RAD51B: variants seen among roughly 807,000 people sequenced by gnomAD.
RAD51B encodes DNA repair protein RAD51 homolog 2.
RAD51B carries 38 observed loss-of-function variants against 42.2 expected under a neutral mutation model. The ratio of observed to expected loss-of-function variants is 0.90; its 90% CI spans 0.70 to 1.18. The LOEUF is 1.18. RAD51B is among the 50% of genes most tolerant of loss of function. The pLI, the probability that RAD51B is intolerant of heterozygous loss-of-function variation, is 0.00. For synonymous variants in RAD51B, 154 were observed against 145.2 expected, an observed-to-expected ratio of 1.06 and a Z score of -0.43; for missense variants, 373 against 400.7, an observed-to-expected ratio of 0.93 and a Z score of 0.59.
intron 7 of RAD51B, among the ~76,000 whole-genome samples, chr14:67,929,405 T>C (rs991972329): frequency 6.6e-6 from 1 of 152,184 alleles, no homozygotes; most frequent in African/African-American, 2.4e-5. Flanking sequence ...GTTTTCAGAG[T>C]TCCTCTTGGC....
intron 8 of RAD51B, among the ~76,000 whole-genome samples, chr14:68,392,825 C>T (rs1290663769): frequency 1.3e-5 from 2 of 152,218 alleles, no homozygotes; most frequent in African/African-American, 4.8e-5. Context: ...CTTTCCCCTC[C>T]AGCCTGGTGC....
intron 7 of RAD51B, among the ~76,000 whole-genome samples, chr14:68,261,524 C>T (rs961629551): frequency 1.3e-5 from 2 of 152,168 alleles, no homozygotes; most frequent in African/African-American, 2.4e-5. Context: ...AAAAATACTG[C>T]AGAATTGTAT....
intron 7 of RAD51B, among the ~76,000 whole-genome samples, chr14:68,237,089 C>G (rs2080274448): frequency 6.6e-6 from 1 of 152,228 alleles, no homozygotes; most frequent in South Asian, 2.1e-4. Flanking sequence ...TCTCAAAAAT[C>G]TCTGTCCTGG....
chr14:68,359,180 A>T (rs1594722369), intron 8 of RAD51B, among the ~76,000 whole-genome samples: 1 of 152,232 alleles, frequency 6.6e-6, no homozygotes, highest in African/African-American at 2.4e-5. Context: ...GAAAAACAGA[A>T]CCCACCAAGA....
At chr14:67,877,110 A>T (rs2042752481) in intron 5 of RAD51B, among the ~76,000 whole-genome samples, 1 of 152,002 alleles carries the variant, frequency 6.6e-6, no homozygotes. Context: ...TTTTTTTTAC[A>T]GTAATAAATA....
intron 4 of RAD51B, among the ~76,000 whole-genome samples, chr14:67,842,645 C>A (rs2041468028): frequency 6.6e-6 from 1 of 152,212 alleles, no homozygotes; most frequent in South Asian, 2.1e-4. Flanking sequence ...TCTGGGATTA[C>A]AGGCATGTGC....
chr14:68,291,085 G>A (rs942526304), intron 7 of RAD51B, among the ~76,000 whole-genome samples: 2 of 152,034 alleles, frequency 1.3e-5, no homozygotes, highest in African/African-American at 4.8e-5. Flanking sequence ...TGGGATTACA[G>A]GCATGAGCCA....
At chr14:68,338,865 G>C (rs1469800804) in intron 8 of RAD51B, 2 of 624,624 alleles carry the variant, frequency 3.2e-6, no homozygotes, top group African/African-American at 1.8e-5. Context: ...GGTCCTGATA[G>C]CTTCCACCAG....
chr14:68,525,184 G>T (rs76346996), intron 10 of RAD51B, among the ~76,000 whole-genome samples: 2,033 of 152,334 alleles, frequency 0.013, 29 homozygotes, highest in Non-Finnish European at 0.017. Flanking sequence ...CAGCTTTGGA[G>T]ATGGAAGGGG....
intron 7 of RAD51B, among the ~76,000 whole-genome samples, chr14:68,086,862 G>A (rs1301728693): frequency 2.6e-5 from 4 of 152,100 alleles, no homozygotes; most frequent in Admixed American, 6.5e-5. Context: ...GGGGCCAGGC[G>A]CGGTGGCTCA....
intron 7 of RAD51B, among the ~76,000 whole-genome samples, chr14:68,235,703 C>CA (rs57180468): frequency 0.27 from 3,845 of 14,028 alleles, 1,247 homozygotes; most frequent in Non-Finnish European, 0.46. Context: ...GACTCCGTCT[C>CA]AAAAAAAAAA....
intron 9 of RAD51B, among the ~76,000 whole-genome samples, 192 bp downstream of exon 9, chr14:68,411,719 C>T (rs181784284): frequency 6.6e-6 from 1 of 152,226 alleles, no homozygotes; most frequent in East Asian, 1.9e-4. Context: ...AAGTCACACA[C>T]AGGAAAAAAC....
intron 7 of RAD51B, among the ~76,000 whole-genome samples, chr14:67,897,363 T>A (rs1463600069): frequency 2.0e-5 from 3 of 151,836 alleles, no homozygotes; most frequent in Admixed American, 6.6e-5. Flanking sequence ...AGGGTTAATA[T>A]CCAAAATATA....
At chr14:67,856,249 G>A (rs779789063) in intron 4 of RAD51B, among the ~76,000 whole-genome samples, 6 of 152,110 alleles carry the variant, frequency 3.9e-5, no homozygotes, top group Non-Finnish European at 5.9e-5. Flanking sequence ...GGAGGGAGTG[G>A]TAGAGAGAAT....
intron 1 of RAD51B, among the ~76,000 whole-genome samples, chr14:67,821,992 CGT>C (rs138886330): frequency 2.0e-5 from 3 of 150,026 alleles, no homozygotes; most frequent in East Asian, 2.0e-4. Flanking sequence ...ATTGTGTGTG[CGT>C]GTGTGTGTGT....
At chr14:68,335,296 CAAA>C (rs768281887) in intron 8 of RAD51B, among the ~76,000 whole-genome samples, 2 of 43,156 alleles carry the variant, frequency 4.6e-5, no homozygotes, top group Admixed American at 2.9e-4. Flanking sequence ...GACCCTGTGT[CAAA>C]AAAAAAAAAA....
chr14:68,552,056 T>C (rs1429003847), intron 10 of RAD51B, among the ~76,000 whole-genome samples: 1 of 149,558 alleles, frequency 6.7e-6, no homozygotes, highest in East Asian at 1.9e-4. Flanking sequence ...TGTGCGTGTT[T>C]GTTTGTTTCT....
At chr14:68,443,069 T>C (rs1191536533) in intron 9 of RAD51B, among the ~76,000 whole-genome samples, 1 of 152,224 alleles carries the variant, frequency 6.6e-6, no homozygotes, top group African/African-American at 2.4e-5. Flanking sequence ...CTTGGCCTCT[T>C]GCTTAAGCAT....
At chr14:68,470,412 A>G (rs2140238337) in intron 10 of RAD51B, 1 of 445,404 alleles carries the variant, frequency 2.2e-6, no homozygotes, top group South Asian at 1.7e-5. Flanking sequence ...GAAAACAAAA[A>G]ATGCAGGTCC....
Sources: gnomAD v4.1 joint callset for allele counts (sites outside exome capture counted in the v4.1 genomes callset) on GRCh38, gnomAD v4.1.1 for gene constraint, MANE v1.5 for transcripts, NCBI Gene and HGNC (gene_info 2026-07-23, HGNC 2026-07-21) for gene names.